AFF1: variants seen among roughly 807,000 people sequenced by gnomAD.
The protein encoded by AFF1 is AF4/FMR2 family member 1.
In AFF1, 48 loss-of-function variants were observed where a neutral mutation model predicts 121.7. The ratio of observed to expected loss-of-function variants is 0.39; its 90% CI spans 0.31 to 0.50. AFF1 has a LOEUF of 0.50. Ranked by LOEUF, AFF1 falls within the 20% of genes least tolerant of loss-of-function variation. AFF1 has a pLI of 0.76. For synonymous variants in AFF1, 613 were observed against 563.0 expected (o/e 1.09, Z -1.26); for missense variants, 1,523 against 1,511.7 (o/e 1.01, Z -0.12).
chr4:87,101,895 T>A lies in AFF1; in HGVS notation c.1284-3733T>A, dbSNP rs539215115. Among the ~76,000 whole-genome samples the A allele has an allele frequency of 6.6e-5, 10 of 152,324 alleles. No individual in the cohort carries two copies. The South Asian group carries it at 2.1e-3, about 32-fold the overall frequency. On this transcript the variant is annotated intron_variant, in intron 8 of 20. Transcript: ENST00000395146. The stretch of plus-strand genomic sequence containing the variant: ...TATGTAAATACTTTTTGGGTCTGAA[T>A]TGAGATGTTACAAAATATTGGCAGT...
intron 2 of AFF1, among the ~76,000 whole-genome samples, chr4:86,969,205 G>A (rs1009712840): frequency 2.0e-5 from 3 of 152,154 alleles, no homozygotes; most frequent in Non-Finnish European, 2.9e-5. Context: ...GAGTCCAGGC[G>A]TGGTGGCTCA....
At chr4:87,082,673 C>T (rs1242172772) in intron 4 of AFF1, among the ~76,000 whole-genome samples, 2 of 152,126 alleles carry the variant, frequency 1.3e-5, no homozygotes, top group African/African-American at 2.4e-5. Flanking sequence ...AGGCAATCTG[C>T]CCGCCTCGGC....
chr4:87,132,402 T>C lies in AFF1; in HGVS notation c.3305T>C (p.Ile1102Thr). The change falls in exon 19 of 21, where the codon ATT becomes ACT. Residue 1102 changes from isoleucine to threonine, a missense_variant. Ile to Thr is a moderately conservative substitution (Grantham distance 89). Coordinates refer to ENST00000395146, the MANE Select transcript of AFF1 (RefSeq NM_001166693.3). ...SKVAQAPSPCIARSTGTPSPL... is the reference protein window; with the variant it reads ...SKVAQAPSPCTARSTGTPSPL... Reference sequence around the variant, plus strand: ...GTCGCCCAGGCACCTTCTCCATGCATTGCAAGGTAACTCTAAGTCTAATAT... The same window carrying C: ...GTCGCCCAGGCACCTTCTCCATGCACTGCAAGGTAACTCTAAGTCTAATAT... 6.2e-7 allele frequency: 1 copy of C among 1,609,882 alleles called. No homozygotes were observed.
intron 2 of AFF1, among the ~76,000 whole-genome samples, chr4:86,985,214 T>TATATATAAAA (rs1277485096): frequency 9.6e-6 from 1 of 104,560 alleles, no homozygotes; most frequent in Admixed American, 9.8e-5. Flanking sequence ...TATATATATA[T>TATATATAAAA]AAAATTATAT....
chr4:87,059,949 C>G (rs951299199), intron 4 of AFF1, among the ~76,000 whole-genome samples: 4 of 152,176 alleles, frequency 2.6e-5, no homozygotes, highest in Non-Finnish European at 4.4e-5. Flanking sequence ...ACGCTGTGCT[C>G]AGCTTGAGGA....
At chr4:87,022,592 A>ATATATACATATATATATATATATATC (rs1465084690) in intron 2 of AFF1, among the ~76,000 whole-genome samples, 3 of 99,846 alleles carry the variant, frequency 3.0e-5, no homozygotes, top group African/African-American at 1.4e-4. Context: ...ATCTATCTAT[A>ATATATACATATATATATATATATATC]TCTATCTGTG....
At chr4:86,988,155 A>G (rs906283610) in intron 2 of AFF1, among the ~76,000 whole-genome samples, 2 of 152,116 alleles carry the variant, frequency 1.3e-5, no homozygotes, top group Non-Finnish European at 2.9e-5. Flanking sequence ...TCATCACTTA[A>G]AACATGTATC....
At position 87,075,274 on chromosome 4, in the gene AFF1, A is replaced by C. The variant is rs1024363939; in HGVS notation, c.1060-8846A>C. Among the ~76,000 whole-genome samples the C allele has an allele frequency of 2.6e-5, 4 of 152,310 alleles. No homozygotes were observed. The South Asian group carries it at 6.2e-4, about 24-fold the overall frequency. The stretch of plus-strand genomic sequence containing the variant: ...TGCTTTAGTTGATGAAAGATAAGGT[A>C]ATATCATTTGCTTATGAAAGAGCAA... On this transcript the variant is annotated intron_variant, in intron 4 of 20. Coordinates refer to ENST00000395146, the MANE Select transcript of AFF1 (RefSeq NM_001166693.3).
At chr4:87,113,999 A>AT (rs1214105394) in intron 11 of AFF1, among the ~76,000 whole-genome samples, 1 of 152,316 alleles carries the variant, frequency 6.6e-6, no homozygotes, top group Non-Finnish European at 1.5e-5. Flanking sequence ...TGATGAAATG[A>AT]TTTTTTACTC....
intron 11 of AFF1, among the ~76,000 whole-genome samples, chr4:87,113,456 C>T (rs1726765956): frequency 6.6e-6 from 1 of 152,000 alleles, no homozygotes; most frequent in Admixed American, 6.6e-5. Context: ...TTTTTTGTAG[C>T]AATGAGGTAT....
intron 7 of AFF1, among the ~76,000 whole-genome samples, chr4:87,093,689 A>G (rs984800175): frequency 6.6e-6 from 1 of 152,214 alleles, no homozygotes; most frequent in Non-Finnish European, 1.5e-5. Context: ...TTCTAGACAG[A>G]GGGGAGGCCA....
intron 12 of AFF1, among the ~76,000 whole-genome samples, chr4:87,122,336 C>T (rs927983429): frequency 2.0e-5 from 3 of 152,190 alleles, no homozygotes; most frequent in Non-Finnish European, 4.4e-5. Flanking sequence ...ATTTTAACCC[C>T]ATCATTTCCA....
chr4:87,063,384 G>T (rs1211499450), intron 4 of AFF1, among the ~76,000 whole-genome samples: 1 of 151,706 alleles, frequency 6.6e-6, no homozygotes, highest in Non-Finnish European at 1.5e-5. Context: ...GGGATAATAA[G>T]CATGCACCAC....
intron 4 of AFF1, among the ~76,000 whole-genome samples, chr4:87,056,058 T>C (rs1720105731): frequency 6.6e-6 from 1 of 152,196 alleles, no homozygotes; most frequent in Admixed American, 6.5e-5. Context: ...TTTCATTCCC[T>C]ATTTAAATTT....
chr4:87,106,905 A>G (rs1454509770), intron 10 of AFF1, among the ~76,000 whole-genome samples: 1 of 152,242 alleles, frequency 6.6e-6, no homozygotes, highest in Non-Finnish European at 1.5e-5. Context: ...TTGTTCAATT[A>G]TATCTTATTT....
In AFF1 at chr4:87,072,288, G is replaced by A. The variant is rs182926476; in HGVS notation, c.1060-11832G>A. On this transcript the variant is annotated intron_variant, in intron 4 of 20. Coordinates refer to ENST00000395146, the MANE Select transcript of AFF1 (RefSeq NM_001166693.3). ...TGAGGCAGGAGAATGGCGTGAACCC[G>A]GGAGGCGGAGCTTGCAGTGAGCCAA... Among the ~76,000 whole-genome samples, 794 of 150,800 alleles carry A rather than the reference G, an allele frequency of 5.3e-3. 7 individuals are homozygous for A. The highest frequency in any genetic ancestry group is 0.018 in the African/African-American group (742 of 41,092).
chr4:87,109,813 A>G (rs1726281331), intron 11 of AFF1, among the ~76,000 whole-genome samples: 2 of 152,224 alleles, frequency 1.3e-5, no homozygotes, highest in Non-Finnish European at 1.5e-5. Context: ...TGTAAAATAA[A>G]TGGTCCCATC....
intron 1 of AFF1, among the ~76,000 whole-genome samples, chr4:86,945,546 TGCAGTGCAGTG>T (rs2149446471): frequency 7.0e-6 from 1 of 142,006 alleles, no homozygotes; most frequent in South Asian, 2.2e-4. Context: ...TTACCCAGGC[TGCAGTGCAGTG>T]GCACAGATCA....
chr4:87,093,095 A>G (rs1724479624), intron 7 of AFF1, among the ~76,000 whole-genome samples: 2 of 152,182 alleles, frequency 1.3e-5, no homozygotes, highest in Non-Finnish European at 1.5e-5. Context: ...TTCCCCTTTT[A>G]GCAAAATATA....
Sources: gnomAD v4.1 joint callset for allele counts (sites outside exome capture counted in the v4.1 genomes callset) on GRCh38, gnomAD v4.1.1 for gene constraint, MANE v1.5 for transcripts, NCBI Gene and HGNC (gene_info 2026-07-23, HGNC 2026-07-21) for gene names.